Variants in ARPIN observed in about 807,000 individuals in gnomAD.
ARPIN encodes UPF0552 protein C15orf38.
A neutral mutation model predicts 25.9 loss-of-function variants in ARPIN; 23 were observed. That is an observed-to-expected ratio of 0.89 (90% confidence interval 0.64 to 1.26). The LOEUF (loss-of-function observed/expected upper bound fraction) is 1.26, where lower values mean the gene tolerates loss of function less well. Among genes scored for constraint, ARPIN ranks in the 50% most tolerant of loss-of-function variants. The pLI is 0.00. For missense variants in ARPIN, 333 were observed against 312.2 expected, an observed-to-expected ratio of 1.07 and a Z score of -0.50; for synonymous variants, 126 against 131.4, an observed-to-expected ratio of 0.96 and a Z score of 0.28.
intron 2 of ARPIN, 52 bp from the exon 3 acceptor site, chr15:89,908,464 A>G (rs781352434): frequency 6.2e-7 from 1 of 1,605,096 alleles, no homozygotes; most frequent in South Asian, 1.1e-5. Context: ...CACAACACAC[A>G]CACTCTGGGC....
chr15:89,911,802 T>A (rs895203031), intron 1 of ARPIN, among the ~76,000 whole-genome samples: 1 of 152,068 alleles, frequency 6.6e-6, no homozygotes, highest in African/African-American at 2.4e-5. Context: ...CCATCCACTA[T>A]CCCCTGGCAA....
Position 89,896,613 on chromosome 15 carries a change from GAAT to G in ARPIN, c.*5179_*5181del, listed in dbSNP as rs1253524364. 6.6e-6 allele frequency: 1 copy of G among 151,986 alleles called. No homozygotes were observed. Among genetic ancestry groups the G allele is most frequent in the East Asian group, 1.9e-4 (1 of 5,192 alleles). The allele number at this position is 151,986 out of a possible 1,614,324, so 9.4% of individuals were successfully genotyped here. ...GATATATAAAGTTTTTTTATAAAAA[GAAT>G]TATTTAATGGAAAAATCGTTGTTAA... On this transcript the variant is annotated 3_prime_UTR_variant, in exon 6 of 6. Coordinates refer to ENST00000357484, the MANE Select transcript of ARPIN (RefSeq NM_182616.4).
At position 89,912,920 on chromosome 15, in the gene ARPIN, G is replaced by T; in HGVS notation, c.-85C>A. 2.1e-6 allele frequency: 3 copies of T among 1,402,842 alleles called. No individual in the cohort carries two copies. Among genetic ancestry groups the T allele is most frequent in the South Asian group, 3.0e-5 (2 of 66,896 alleles). The allele number at this position is 1,402,842 out of a possible 1,614,324, so 86.9% of individuals were successfully genotyped here. A position where few individuals can be genotyped will look rare whatever the true frequency, so the allele number is the denominator to read the frequency against. On this transcript the variant is annotated 5_prime_UTR_variant, in exon 1 of 6. Transcript: ENST00000357484. The stretch of plus-strand genomic sequence containing the variant: ...CGGGAAGTGCTGCAGGACGCGCGGG[G>T]ACCCGCGATTCCCAGCCGGCGGATC...
intron 5 of ARPIN, 141 bp from the exon 6 acceptor site, chr15:89,901,944 G>T: frequency 1.1e-6 from 1 of 888,970 alleles, no homozygotes; most frequent in Non-Finnish European, 1.8e-6. Flanking sequence ...ATTAGAGCTG[G>T]CCCGGCAGCT....
intron 5 of ARPIN, 92 bp from the exon 6 acceptor site, chr15:89,901,895 G>A (rs749619148): frequency 9.2e-5 from 135 of 1,474,402 alleles, no homozygotes; most frequent in Non-Finnish European, 1.2e-4. Context: ...TCAATTGCGT[G>A]GTACCTGTGG....
chr15:89,908,637 A>T (rs1897170087), intron 2 of ARPIN, among the ~76,000 whole-genome samples: 1 of 152,076 alleles, frequency 6.6e-6, no homozygotes, highest in African/African-American at 2.4e-5. Context: ...GAAGTTCCTA[A>T]CAGGGCAAGC....
rs774002777 is a variant in ARPIN at position 89,899,083 on chromosome 15, CTT to C, written c.*2710_*2711del. ...TACCTGCTGAGCCTGGGACCCTATT[CTT>C]TTTTTTTTTTTTTTTTTTGAGACAG... On this transcript the variant is annotated 3_prime_UTR_variant, in exon 6 of 6. Coordinates refer to ENST00000357484, the MANE Select transcript of ARPIN (RefSeq NM_182616.4). 1.4e-3 allele frequency: 173 copies of C among 119,358 alleles called. No individual in the cohort carries two copies. The highest frequency in any genetic ancestry group is 4.6e-3 in the African/African-American group (142 of 30,852). 7.4% of individuals were successfully genotyped at this position (119,358 alleles called of 1,614,324 possible). A position where few individuals can be genotyped will look rare whatever the true frequency, so the allele number is the denominator to read the frequency against.
rs1141993 is a variant in ARPIN at position 89,903,259 on chromosome 15, G to A, written c.629C>T (p.Ala210Val). 39 of 1,613,972 alleles carry A rather than the reference G, an allele frequency of 2.4e-5. No homozygotes were observed. The highest frequency in any genetic ancestry group is 1.5e-4 in the South Asian group (14 of 91,088). Reference sequence around the variant, plus strand: ...CCCATCCCCCTGCTCTCGGATCTCCGCTGCAGCCCCCTTCGAACACTTTTG... The same window carrying A: ...CCCATCCCCCTGCTCTCGGATCTCCACTGCAGCCCCCTTCGAACACTTTTG... Reference protein sequence around the residue: ...MAQKCSKGAAAEIREQGDGAE... With the variant: ...MAQKCSKGAAVEIREQGDGAE... Residue 210 changes from alanine (A) to valine (V), a missense_variant, in exon 5 of 6, where the codon GCG becomes GTG. By Grantham distance (64) the Ala-to-Val change is moderately conservative. Transcript: ENST00000357484.
rs749934880 is a variant in ARPIN, at chr15:89,903,333, GA to G, written c.554del (p.Phe185SerfsTer56). The G allele has an allele frequency of 1.5e-5, 24 of 1,614,194 alleles. No individual in the cohort carries two copies. The highest frequency in any genetic ancestry group is 1.9e-5 in the Non-Finnish European group (22 of 1,180,046). On this transcript the variant is annotated frameshift_variant, in exon 5 of 6. Coordinates refer to ENST00000357484, the MANE Select transcript of ARPIN (RefSeq NM_182616.4). LOFTEE classifies it high-confidence loss of function. Reference protein sequence around the residue: ...LEAGTVTKCNFTGDGKTGASW... With the variant: ...LEAGTVTKCNXTGDGKTGASW... The stretch of plus-strand genomic sequence containing the variant: ...ATGCCCCTGTCTTTCCATCACCAGT[GA>G]AATTACACTTGGTCACTGTTCCAGC...
At chr15:89,906,780 GGAA>G (rs1036333668) in intron 3 of ARPIN, among the ~76,000 whole-genome samples, 19 of 152,158 alleles carry the variant, frequency 1.2e-4, no homozygotes, top group Admixed American at 8.5e-4. Context: ...GACAAAATCA[GGAA>G]GAAGAAGAAG....
chr15:89,912,663 T>TTGGGGGCC, intron 1 of ARPIN, 81 bp downstream of exon 1: 35 of 870,924 alleles, frequency 4.0e-5, no homozygotes, highest in East Asian at 4.0e-4. Context: ...CCCACCCGCA[T>TTGGGGGCC]CCCACCCCCC....
chr15:89,908,244 G>C, intron 3 of ARPIN, 36 bp downstream of exon 3: 2 of 1,612,994 alleles, frequency 1.2e-6, no homozygotes, highest in Non-Finnish European at 1.7e-6. Context: ...CTGCAGGAGG[G>C]CCCTGAGGGA....
At chr15:89,901,972 G>GT (rs1445168591) in intron 5 of ARPIN, among the ~76,000 whole-genome samples, 169 bp from the exon 6 acceptor site, 2 of 152,158 alleles carry the variant, frequency 1.3e-5, no homozygotes, top group Non-Finnish European at 2.9e-5. Flanking sequence ...CTCTTGGACT[G>GT]TTTTTCAGTC....
Position 89,901,604 on chromosome 15 carries a change from C to T in ARPIN, c.*191G>A. ...CCTCCCTGAGCCACAGCATGAGGCC[C>T]CACCACCAACACAGTGGTCATGGGT... On this transcript the variant is annotated 3_prime_UTR_variant, in exon 6 of 6. Coordinates refer to ENST00000357484, the MANE Select transcript of ARPIN (RefSeq NM_182616.4). The T allele has an allele frequency of 6.2e-6, 4 of 646,968 alleles. No individual in the cohort carries two copies. Among genetic ancestry groups the T allele is most frequent in the Non-Finnish European group, 1.1e-5 (4 of 372,564 alleles). 40.1% of individuals were successfully genotyped at this position (646,968 alleles called of 1,614,324 possible). A position where few individuals can be genotyped will look rare whatever the true frequency, so the allele number is the denominator to read the frequency against.
intron 1 of ARPIN, chr15:89,912,027 A>AGACAGGAGG (rs1897232755): frequency 4.8e-6 from 1 of 210,142 alleles, no homozygotes; most frequent in African/African-American, 2.4e-5. Context: ...GGGTTTCACC[A>AGACAGGAGG]TTAGGCTGGT....
chr15:89,905,618 G>A (rs1452143228), intron 3 of ARPIN, among the ~76,000 whole-genome samples: 1 of 152,108 alleles, frequency 6.6e-6, no homozygotes, highest in Admixed American at 6.6e-5. Flanking sequence ...TAACCCGTGG[G>A]CAGTGCCTGA....
chr15:89,907,057 GTATTAT>G (rs56208607), intron 3 of ARPIN, among the ~76,000 whole-genome samples: 1 of 149,316 alleles, frequency 6.7e-6, no homozygotes, highest in African/African-American at 2.5e-5. Flanking sequence ...CCATCAAAAA[GTATTAT>G]TATTATTATT....
intron 3 of ARPIN, among the ~76,000 whole-genome samples, chr15:89,905,091 G>A (rs529954282): frequency 1.7e-4 from 26 of 150,988 alleles, no homozygotes; most frequent in Admixed American, 1.2e-3. Context: ...GTGCAATCTC[G>A]GCTCATTGCA....
At chr15:89,901,928 C>A (rs139379061) in intron 5 of ARPIN, 125 bp from the exon 6 acceptor site, 2 of 1,155,830 alleles carry the variant, frequency 1.7e-6, no homozygotes, top group South Asian at 2.7e-5. Flanking sequence ...CTTGCCTGGG[C>A]GCCTCATTAG....
Sources: allele counts gnomAD v4.1 joint callset (sites outside exome capture counted in the v4.1 genomes callset), GRCh38; gene constraint gnomAD v4.1.1; transcripts MANE v1.5; gene names NCBI Gene and HGNC (gene_info 2026-07-23, HGNC 2026-07-21).